The following RASGRP2 variants were observed in gnomAD, a reference collection of about 807,000 sequenced individuals.
RASGRP2 encodes RAS guanyl-releasing protein 2.
In RASGRP2, 44 loss-of-function variants were observed where a neutral mutation model predicts 71.0. The observed-to-expected ratio is 0.62, with a 90% CI of 0.49 to 0.80. The LOEUF (loss-of-function observed/expected upper bound fraction) is 0.80, where lower values mean the gene tolerates loss of function less well. RASGRP2 is among the 30% of genes least tolerant of loss of function. RASGRP2 has a pLI of 0.00. For missense variants in RASGRP2, 663 were observed against 813.4 expected (o/e 0.82, Z 2.25); for synonymous variants, 350 against 330.7 (o/e 1.06, Z -0.63).
chr11:64,742,547 G>C lies in RASGRP2; in HGVS notation c.73+247C>G. The C allele has an allele frequency of 1.7e-6, 1 of 601,296 alleles. No homozygotes were observed. Among genetic ancestry groups the C allele is most frequent in the Non-Finnish European group, 3.0e-6 (1 of 338,330 alleles). The allele number at this position is 601,296 out of a possible 1,614,324, so 37.2% of individuals were successfully genotyped here. ...GACAGATAATGCCCCTCAAGTGTCA[G>C]AGTCCGGGACCCGGCCCTCCCTTCG... On this transcript the variant is annotated intron_variant, in intron 2 of 16. Coordinates refer to ENST00000394432, the MANE Select transcript of RASGRP2 (RefSeq NM_001098671.2). This position sits in a 1 kb window ranked among gnomAD's most constrained non-coding sequence, Gnocchi z 4.7.
intron 9 of RASGRP2, among the ~76,000 whole-genome samples, chr11:64,736,316 C>T (rs1268332132): frequency 6.6e-6 from 1 of 152,174 alleles, no homozygotes; most frequent in Non-Finnish European, 1.5e-5. Context: ...AACACTTAAG[C>T]CCCAGCCCAA....
In RASGRP2 at chr11:64,735,323, GGT is replaced by G. The variant is rs1252473205; in HGVS notation, c.1297-98_1297-97del. On this transcript the variant is annotated intron_variant, in intron 11 of 16. Transcript: ENST00000394432. The surrounding 1 kb of genome is among the most constrained non-coding windows in gnomAD (Gnocchi z 4.2). ...CCCACGTTCCCAGTCCATTTGATGA[GGT>G]GTGTCTCAGAGAGGTCTCTGACACC... is the stretch of plus-strand genomic sequence containing the variant. 2.4e-6 allele frequency: 3 copies of G among 1,263,570 alleles called. No homozygotes were observed. The African/African-American group carries it at 4.4e-5, about 19-fold the overall frequency. 78.3% of individuals were successfully genotyped at this position (1,263,570 alleles called of 1,614,324 possible). A position where few individuals can be genotyped will look rare whatever the true frequency, so the allele number is the denominator to read the frequency against.
Position 64,742,789 on chromosome 11 carries a change from C to T in RASGRP2, c.73+5G>A, listed in dbSNP as rs1270162931. On this transcript the variant is annotated splice_donor_5th_base_variant and intron_variant, in intron 2 of 16. Transcript: ENST00000394432. This position sits in a 1 kb window ranked among gnomAD's most constrained non-coding sequence, Gnocchi z 4.7. ...AGGCTCCGTGTGCCCTCCCGAGCCA[C>T]TCACCGAAGGCTTCGATGCACCCGC... The T allele has an allele frequency of 1.2e-6, 2 of 1,605,942 alleles. No individual in the cohort carries two copies. The highest frequency in any genetic ancestry group is 1.7e-6 in the Non-Finnish European group (2 of 1,177,038).
At chr11:64,727,506 ATTTTT>A (rs34854951) in intron 15 of RASGRP2, 146 bp from the exon 16 acceptor site, 4,559 of 318,016 alleles carry the variant, frequency 0.014, no homozygotes, top group East Asian at 0.017. Flanking sequence ...TCACAGCCCA[ATTTTT>A]TTTTTTTTTT....
Position 64,742,488 on chromosome 11 carries a change from C to G in RASGRP2, c.73+306G>C, listed in dbSNP as rs1284758995. Reference sequence around the variant, plus strand: ...CCATTAGCCGGAAACAGCTCCCAGGCCGGAGATAGCGAGTTCCTCCGGATT... The same window carrying G: ...CCATTAGCCGGAAACAGCTCCCAGGGCGGAGATAGCGAGTTCCTCCGGATT... On this transcript the variant is annotated intron_variant, in intron 2 of 16. Transcript: ENST00000394432. The surrounding 1 kb of genome is among the most constrained non-coding windows in gnomAD (Gnocchi z 4.7). 3 of 571,314 alleles carry G rather than the reference C, an allele frequency of 5.3e-6. No individual in the cohort carries two copies. Among genetic ancestry groups the G allele is most frequent in the Non-Finnish European group, 9.4e-6 (3 of 318,888 alleles). The allele number at this position is 571,314 out of a possible 1,614,324, so 35.4% of individuals were successfully genotyped here. A position where few individuals can be genotyped will look rare whatever the true frequency, so the allele number is the denominator to read the frequency against.
chr11:64,732,441 C>T (rs964183737), intron 12 of RASGRP2, among the ~76,000 whole-genome samples: 6 of 152,116 alleles, frequency 3.9e-5, no homozygotes, highest in Non-Finnish European at 8.8e-5. Flanking sequence ...GGCGGATCAC[C>T]TGAGGTCAGA....
chr11:64,729,211 G>A (rs1254269434), intron 14 of RASGRP2, among the ~76,000 whole-genome samples, 169 bp from the exon 15 acceptor site: 1 of 152,126 alleles, frequency 6.6e-6, no homozygotes, highest in East Asian at 1.9e-4. Context: ...GTCAGTCTAT[G>A]CCTTCTCCCA....
chr11:64,736,885 C>A lies in RASGRP2; in HGVS notation c.963G>T (p.Trp321Cys). 5 of 1,613,870 alleles carry A rather than the reference C, an allele frequency of 3.1e-6. No homozygotes were observed. The highest frequency in any genetic ancestry group is 4.2e-6 in the Non-Finnish European group (5 of 1,180,032). ...TGAGCCGGGTCCGGGCTGGGTCCAG[C>A]CAGTCAGGCAGTGCCAGCTGCAGGG... is the stretch of plus-strand genomic sequence containing the variant. ...LVALQLALPD[W>C]LDPARTRLNG... Residue 321 changes from tryptophan to cysteine, a missense_variant, in exon 9 of 17, where the codon TGG becomes TGT. Coordinates refer to ENST00000394432, the MANE Select transcript of RASGRP2 (RefSeq NM_001098671.2).
At position 64,743,646 on chromosome 11, in the gene RASGRP2, A is replaced by C; in HGVS notation, c.-72+357T>G. On this transcript the variant is annotated intron_variant, in intron 1 of 16. Coordinates refer to ENST00000394432, the MANE Select transcript of RASGRP2 (RefSeq NM_001098671.2). This position sits in a 1 kb window ranked among gnomAD's most constrained non-coding sequence, Gnocchi z 4.9. Reference sequence around the variant, plus strand: ...CCAGGGGTCCCGGCTCAGCTTGTCCACAGGCCCTCTTCCTCCCTATCCCCG... The same window carrying C: ...CCAGGGGTCCCGGCTCAGCTTGTCCCCAGGCCCTCTTCCTCCCTATCCCCG... The C allele has an allele frequency of 2.4e-6, 1 of 422,152 alleles. No individual in the cohort carries two copies. The highest frequency in any genetic ancestry group is 4.7e-6 in the Non-Finnish European group (1 of 212,364). 26.2% of individuals were successfully genotyped at this position (422,152 alleles called of 1,614,324 possible).
chr11:64,739,229 C>A lies in RASGRP2; in HGVS notation c.813+131G>T. The A allele has an allele frequency of 1.3e-6, 1 of 754,606 alleles. No homozygotes were observed. The allele number at this position is 754,606 out of a possible 1,614,324, so 46.7% of individuals were successfully genotyped here. ...TTGCCATTGTGCAAACTGAGAAAAG[C>A]ACTTAACCCCTCTGAGCCTCCATTT... On this transcript the variant is annotated intron_variant, in intron 8 of 16. Coordinates refer to ENST00000394432, the MANE Select transcript of RASGRP2 (RefSeq NM_001098671.2). The surrounding 1 kb of genome is among the most constrained non-coding windows in gnomAD (Gnocchi z 4.2).
Position 64,739,660 on chromosome 11 carries a change from G to T in RASGRP2, c.672C>A (p.Ile224=), listed in dbSNP as rs1208632560. Reference sequence around the variant, plus strand: ...CCTCCGCCACGTGGACAAAGTGTGTGATGACCAGGGCCCGCTGCGGGGCTG... The same window carrying T: ...CCTCCGCCACGTGGACAAAGTGTGTTATGACCAGGGCCCGCTGCGGGGCTG... ...KPTAPQRALV[I]THFVHVAEKL... Residue 224 remains isoleucine, a synonymous_variant, in exon 7 of 17, where the codon ATC becomes ATA. Transcript: ENST00000394432. The surrounding 1 kb of genome is among the most constrained non-coding windows in gnomAD (Gnocchi z 4.2). 2 of 1,613,936 alleles carry T rather than the reference G, an allele frequency of 1.2e-6. No individual in the cohort carries two copies. Among genetic ancestry groups the T allele is most frequent in the Non-Finnish European group, 1.7e-6 (2 of 1,179,884 alleles).
At position 64,742,747 on chromosome 11, in the gene RASGRP2, G is replaced by C. The variant is rs1472517160; in HGVS notation, c.73+47C>G. On this transcript the variant is annotated intron_variant, in intron 2 of 16. Coordinates refer to ENST00000394432, the MANE Select transcript of RASGRP2 (RefSeq NM_001098671.2). This position sits in a 1 kb window ranked among gnomAD's most constrained non-coding sequence, Gnocchi z 4.7. ...CCTGGGAGGCAGGGACCCGGGCTCA[G>C]ACTCGGGGCTAGGCTCAGGCTCCGT... The C allele has an allele frequency of 1.3e-6, 2 of 1,570,670 alleles. No individual in the cohort carries two copies.
Position 64,727,337 on chromosome 11 carries a change from T to C in RASGRP2, c.1795A>G (p.Thr599Ala), listed in dbSNP as rs1166446934. ...PPEIREEEVQ[T>A]VEDGVFDIHL ...ATGTCAAACACCCCATCCTCCACCG[T>C]CTGTACCTCCTCCTCACGGATCTCT... Residue 599 changes from threonine to alanine, a missense_variant, in exon 16 of 17, where the codon ACG becomes GCG. By Grantham distance (58) the Thr-to-Ala change is moderately conservative. Transcript: ENST00000394432. 1.9e-6 allele frequency: 3 copies of C among 1,613,862 alleles called. No homozygotes were observed. In the Admixed American group the frequency reaches 5.0e-5, roughly 27 times the overall value.
In RASGRP2 at chr11:64,728,977, GGGCCCTGCGCC is replaced by G. The variant is rs2057668180; in HGVS notation, c.1646_1656del (p.Arg549ProfsTer42). On this transcript the variant is annotated frameshift_variant, in exon 15 of 17. Coordinates refer to ENST00000394432, the MANE Select transcript of RASGRP2 (RefSeq NM_001098671.2). LOFTEE classifies it high-confidence loss of function. ...GCAGACCCCTCCAGGCTCACACTCTGGGCCCTGCGCCGACACTCAACTGACAGGCGATCCTT... is the reference window on the plus strand; with the variant it reads ...GCAGACCCCTCCAGGCTCACACTCTGGACACTCAACTGACAGGCGATCCTT... 1 of 1,610,700 alleles carries G rather than the reference GGGCCCTGCGCC, an allele frequency of 6.2e-7. No individual in the cohort carries two copies. The highest frequency in any genetic ancestry group is 8.5e-7 in the Non-Finnish European group (1 of 1,179,594).
chr11:64,727,868 T>C (rs1487203853), intron 15 of RASGRP2, among the ~76,000 whole-genome samples: 1 of 152,200 alleles, frequency 6.6e-6, no homozygotes, highest in Non-Finnish European at 1.5e-5. Context: ...GCCACAGCTT[T>C]TTCAGCCACA....
At chr11:64,732,644 G>A (rs528862512) in intron 12 of RASGRP2, among the ~76,000 whole-genome samples, 29 of 152,286 alleles carry the variant, frequency 1.9e-4, no homozygotes, top group Admixed American at 1.2e-3. Context: ...AGCCGGGCAC[G>A]GTGGTGGGTG....
chr11:64,735,695 C>T lies in RASGRP2; in HGVS notation c.1174-31G>A, dbSNP rs1242021576. The T allele has an allele frequency of 6.3e-7, 1 of 1,596,670 alleles. No homozygotes were observed. Among genetic ancestry groups the T allele is most frequent in the Admixed American group, 1.8e-5 (1 of 55,934 alleles). ...GAAATGGTCGGGCCTGAGCTAGGGC[C>T]AGAGGCAGGGGAAGCCCAGAGCCCC... On this transcript the variant is annotated intron_variant, in intron 10 of 16. Transcript: ENST00000394432. The surrounding 1 kb of genome is among the most constrained non-coding windows in gnomAD (Gnocchi z 4.2).
upstream of RASGRP2, chr11:64,745,429 G>C (rs962420695): frequency 6.6e-6 from 1 of 152,498 alleles, no homozygotes; most frequent in Non-Finnish European, 1.5e-5. Context: ...TGGGGAGAGG[G>C]ACCTGTGGGG....
Position 64,728,885 on chromosome 11 carries a change from G to A in RASGRP2, c.1749C>T (p.Gly583=). 3 of 1,611,920 alleles carry A rather than the reference G, an allele frequency of 1.9e-6. No homozygotes were observed. Among genetic ancestry groups the A allele is most frequent in the Non-Finnish European group, 2.5e-6 (3 of 1,179,532 alleles). The stretch of plus-strand genomic sequence containing the variant: ...TACCTGGAGGCCTGGAGCCTCGCCT[G>A]CCAGGGCGGGGCAGAGAGAAGCTGA... ...RAFSFSLPRP[G]RRGSRPPEIR... The change falls in exon 15 of 17, where the codon GGC becomes GGT. Residue 583 remains glycine (G), a synonymous_variant. Coordinates refer to ENST00000394432, the MANE Select transcript of RASGRP2 (RefSeq NM_001098671.2).
Sources: allele counts gnomAD v4.1 joint callset (sites outside exome capture counted in the v4.1 genomes callset), GRCh38; gene constraint gnomAD v4.1.1; non-coding constraint Gnocchi (gnomAD v3.1); transcripts MANE v1.5; gene names NCBI Gene and HGNC (gene_info 2026-07-23, HGNC 2026-07-21).